Variants in ADAMTS6 observed in about 807,000 individuals in gnomAD.
The protein encoded by ADAMTS6 is A disintegrin and metalloproteinase with thrombospondin motifs 6.
ADAMTS6 carries 23 observed loss-of-function variants against 144.3 expected under a neutral mutation model. The observed-to-expected ratio is 0.16, with a 90% CI of 0.11 to 0.23. The LOEUF is 0.23. Ranked by LOEUF, ADAMTS6 falls within the 10% of genes least tolerant of loss-of-function variation. The probability of loss-of-function intolerance (pLI) is 1.00; values close to 1 mark genes in which losing one functional copy is unlikely to be tolerated. For synonymous variants in ADAMTS6, 444 were observed against 457.5 expected, an observed-to-expected ratio of 0.97 and a Z score of 0.38; for missense variants, 999 against 1,379.6, an observed-to-expected ratio of 0.72 and a Z score of 4.37.
At chr5:65,396,864 C>T (rs2089227804) in intron 7 of ADAMTS6, among the ~76,000 whole-genome samples, 1 of 152,190 alleles carries the variant, frequency 6.6e-6, no homozygotes, top group African/African-American at 2.4e-5. Flanking sequence ...AGGATGGGTT[C>T]AAAAGCATTC....
chr5:65,301,637 G>A (rs1743382023), intron 9 of ADAMTS6, among the ~76,000 whole-genome samples: 1 of 152,074 alleles, frequency 6.6e-6, no homozygotes, highest in Admixed American at 6.6e-5. Flanking sequence ...ATGGAACCAG[G>A]GGAGTAGTCA....
intron 15 of ADAMTS6, among the ~76,000 whole-genome samples, chr5:65,235,271 T>C (rs561454556): frequency 1.3e-5 from 2 of 152,336 alleles, no homozygotes; most frequent in East Asian, 3.9e-4. Context: ...TTAGCTTGAT[T>C]ATGGTAATCA....
At chr5:65,192,936 T>C (rs1755106797) in intron 21 of ADAMTS6, among the ~76,000 whole-genome samples, 1 of 152,012 alleles carries the variant, frequency 6.6e-6, no homozygotes, top group East Asian at 1.9e-4. Context: ...ACTGTACTTA[T>C]AAATTCTCTC....
chr5:65,246,603 G>A (rs7719056), intron 14 of ADAMTS6, among the ~76,000 whole-genome samples: 30,720 of 151,938 alleles, frequency 0.2, 4,372 homozygotes, highest in African/African-American at 0.4. Flanking sequence ...GAGTGAAAAG[G>A]AACTGAAGGA....
chr5:65,452,833 G>A lies in ADAMTS6; in HGVS notation c.717C>T (p.His239=), dbSNP rs748904565. The A allele has an allele frequency of 6.2e-6, 10 of 1,613,958 alleles. No individual in the cohort carries two copies. Among genetic ancestry groups the A allele is most frequent in the Non-Finnish European group, 8.5e-6 (10 of 1,179,964 alleles). The part of the protein sequence containing the change: ...YSLPINNTHI[H]HRQKRSVSIE... ...TGCTCACTGATCTCTTCTGTCTGTG[G>A]TGGATATGTGTGTTGTTAATTGGTA... The change falls in exon 5 of 25, where the codon CAC becomes CAT. Residue 239 remains histidine, a synonymous_variant. Transcript: ENST00000381055.
chr5:65,374,391 G>A (rs1022248096), intron 7 of ADAMTS6, among the ~76,000 whole-genome samples: 2 of 149,174 alleles, frequency 1.3e-5, no homozygotes, highest in South Asian at 2.1e-4. Context: ...TCCTTAAGCT[G>A]ATAAGCAACT....
chr5:65,454,540 C>G (rs1365608114), intron 4 of ADAMTS6, among the ~76,000 whole-genome samples: 1 of 152,196 alleles, frequency 6.6e-6, no homozygotes, highest in Non-Finnish European at 1.5e-5. Flanking sequence ...TGTTCACATC[C>G]TTTTGTGATT....
intron 7 of ADAMTS6, among the ~76,000 whole-genome samples, chr5:65,436,270 G>A (rs143863171): frequency 1.3e-5 from 2 of 151,872 alleles, no homozygotes; most frequent in East Asian, 1.9e-4. Context: ...ATAGTGGCGC[G>A]ACTGCACTCC....
Position 65,448,467 on chromosome 5 carries a change from C to CT in ADAMTS6, c.1073+3007dup, listed in dbSNP as rs34477699. Among the ~76,000 whole-genome samples, 87 of 146,924 alleles carry CT rather than the reference C, an allele frequency of 5.9e-4. 1 individual carries two copies. The East Asian group carries it at 8.9e-3, about 15-fold the overall frequency. On this transcript the variant is annotated intron_variant, in intron 7 of 24. Transcript: ENST00000381055. ...TATCCATCATTTTTCCTCTGGCATT[C>CT]TTTTTTTTTTTTGCTCTCTCTGTCA...
At chr5:65,210,918 C>A (rs1756482004) in intron 20 of ADAMTS6, 1 of 278,082 alleles carries the variant, frequency 3.6e-6, no homozygotes, top group African/African-American at 2.2e-5. Flanking sequence ...TGAGGTGGAA[C>A]CATCCCAAAA....
intron 22 of ADAMTS6, among the ~76,000 whole-genome samples, chr5:65,180,976 T>G (rs926260511): frequency 6.6e-6 from 1 of 152,220 alleles, no homozygotes; most frequent in African/African-American, 2.4e-5. Flanking sequence ...ATACCAAGTG[T>G]GCTAAATGCT....
At chr5:65,415,577 G>A in intron 7 of ADAMTS6, 1 of 376,032 alleles carries the variant, frequency 2.7e-6, no homozygotes, top group South Asian at 2.2e-5. Context: ...TGAAGTCCCT[G>A]GAGGAGATCT....
intron 7 of ADAMTS6, among the ~76,000 whole-genome samples, chr5:65,372,336 A>T (rs543856304): frequency 4.0e-4 from 61 of 152,134 alleles, no homozygotes; most frequent in African/African-American, 1.4e-3. Flanking sequence ...GTCAAGACCC[A>T]TCAGTGTGCT....
intron 7 of ADAMTS6, among the ~76,000 whole-genome samples, chr5:65,448,711 C>G (rs541246715): frequency 6.6e-6 from 1 of 152,188 alleles, no homozygotes; most frequent in South Asian, 2.1e-4. Flanking sequence ...CCTCAGCCTC[C>G]CAAAGTGCTG....
chr5:65,360,944 TG>T (rs1238983945), intron 7 of ADAMTS6, among the ~76,000 whole-genome samples: 13 of 152,346 alleles, frequency 8.5e-5, no homozygotes, highest in Middle Eastern at 3.4e-3. Flanking sequence ...CATGGGCTTT[TG>T]GTAGGCACTG....
intron 11 of ADAMTS6, among the ~76,000 whole-genome samples, chr5:65,283,960 C>T (rs954422427): frequency 2.0e-5 from 3 of 152,026 alleles, no homozygotes; most frequent in Non-Finnish European, 4.4e-5. Context: ...TTTTTACAGG[C>T]TACTCAAACT....
intron 9 of ADAMTS6, among the ~76,000 whole-genome samples, chr5:65,306,705 C>A: frequency 6.6e-6 from 1 of 152,150 alleles, no homozygotes. Context: ...CACATCTTCA[C>A]CAATATTTAG....
chr5:65,371,597 G>A (rs1344637096), intron 7 of ADAMTS6, among the ~76,000 whole-genome samples: 1 of 152,120 alleles, frequency 6.6e-6, no homozygotes, highest in African/African-American at 2.4e-5. Context: ...AACGAACAAA[G>A]CCTCCAAGAA....
At chr5:65,352,042 T>G (rs2150090776) in intron 7 of ADAMTS6, among the ~76,000 whole-genome samples, 1 of 152,296 alleles carries the variant, frequency 6.6e-6, no homozygotes, top group East Asian at 1.9e-4. Context: ...AGTACTCAAT[T>G]GCCATGGTGA....
Sources: allele counts gnomAD v4.1 joint callset (sites outside exome capture counted in the v4.1 genomes callset), GRCh38; gene constraint gnomAD v4.1.1; transcripts MANE v1.5; gene names NCBI Gene and HGNC (gene_info 2026-07-23, HGNC 2026-07-21).